Variants in PAG1 observed in about 807,000 individuals in gnomAD.
PAG1 encodes the protein phosphoprotein membrane anchor with glycosphingolipid microdomains 1, also known as phosphoprotein associated with glycosphingolipid-enriched microdomains 1.
In PAG1, 23 loss-of-function variants were observed where a neutral mutation model predicts 31.7. The ratio of observed to expected loss-of-function variants is 0.73; its 90% CI spans 0.52 to 1.03. The LOEUF (loss-of-function observed/expected upper bound fraction) is 1.03. Among genes scored for constraint, PAG1 ranks in the 50% least tolerant of loss-of-function variants. PAG1 has a pLI of 0.00. For missense variants in PAG1, 473 were observed against 540.7 expected (o/e 0.87, Z 1.24); for synonymous variants, 214 against 210.3 (o/e 1.02, Z -0.15).
chr8:81,011,295 A>G (rs1165875120), intron 3 of PAG1, among the ~76,000 whole-genome samples: 2 of 152,162 alleles, frequency 1.3e-5, no homozygotes, highest in Admixed American at 1.3e-4. Context: ...CTGGCGGGAG[A>G]TAACTGAATC....
intron 4 of PAG1, among the ~76,000 whole-genome samples, chr8:80,992,082 A>G (rs1228175522): frequency 3.3e-5 from 5 of 152,202 alleles, no homozygotes; most frequent in Non-Finnish European, 7.3e-5. Context: ...TGTAGAGAAT[A>G]CGCCGCCCAT....
intron 1 of PAG1, among the ~76,000 whole-genome samples, chr8:81,108,749 G>C (rs1254950422): frequency 6.6e-6 from 1 of 152,150 alleles, no homozygotes; most frequent in African/African-American, 2.4e-5. Flanking sequence ...AAACCTTAAA[G>C]GAAGTACTGC....
chr8:81,008,662 A>G (rs1454028602), intron 3 of PAG1, among the ~76,000 whole-genome samples: 2 of 151,658 alleles, frequency 1.3e-5, no homozygotes, highest in South Asian at 4.1e-4. Flanking sequence ...CACGTTTCCT[A>G]ACAGAGTGGT....
intron 2 of PAG1, among the ~76,000 whole-genome samples, chr8:81,042,688 C>T (rs1460897924): frequency 1.3e-5 from 2 of 151,700 alleles, no homozygotes; most frequent in East Asian, 1.9e-4. Context: ...GAGAGTCAAG[C>T]GGAGATGGGA....
chr8:81,046,070 C>A (rs1026830), intron 2 of PAG1, among the ~76,000 whole-genome samples: 1 of 151,484 alleles, frequency 6.6e-6, no homozygotes. Context: ...ATATTAGAGC[C>A]GGGAAGGAAC....
intron 1 of PAG1, among the ~76,000 whole-genome samples, chr8:81,076,988 T>G (rs1329881308): frequency 1.3e-5 from 2 of 152,236 alleles, no homozygotes; most frequent in African/African-American, 4.8e-5. Context: ...GGTAGGCATG[T>G]TTCATGAAAC....
intron 3 of PAG1, among the ~76,000 whole-genome samples, chr8:81,009,007 G>C (rs1475098784): frequency 6.6e-6 from 1 of 152,076 alleles, no homozygotes; most frequent in Non-Finnish European, 1.5e-5. Context: ...CTCAGAAGAA[G>C]GTTTTCTGTC....
chr8:80,993,701 C>G (rs914881190), intron 3 of PAG1, among the ~76,000 whole-genome samples: 2 of 151,498 alleles, frequency 1.3e-5, no homozygotes, highest in Non-Finnish European at 2.9e-5. Context: ...TGGGCTCAAG[C>G]AATCCTCTCC....
intron 2 of PAG1, among the ~76,000 whole-genome samples, chr8:81,035,900 T>C (rs1219369840): frequency 2.0e-5 from 3 of 151,130 alleles, no homozygotes; most frequent in Admixed American, 6.6e-5. Flanking sequence ...TGTATTAACA[T>C]ATATATACAT....
At chr8:81,066,662 T>C (rs1008231545) in intron 2 of PAG1, among the ~76,000 whole-genome samples, 2 of 152,206 alleles carry the variant, frequency 1.3e-5, no homozygotes, top group Non-Finnish European at 2.9e-5. Flanking sequence ...TTGCTTTCCA[T>C]AGTCCTCAGA....
intron 1 of PAG1, 129 bp downstream of exon 1, chr8:81,111,462 C>T (rs1809772122): frequency 6.6e-6 from 1 of 152,556 alleles, no homozygotes; most frequent in African/African-American, 2.4e-5. Flanking sequence ...CTTCTTGGCA[C>T]CCCGCACTCC....
At chr8:81,025,099 T>C (rs945377580) in intron 3 of PAG1, among the ~76,000 whole-genome samples, 2 of 152,148 alleles carry the variant, frequency 1.3e-5, no homozygotes, top group Admixed American at 6.5e-5. Context: ...AGACCCCAAA[T>C]GTAGCTTATT....
intron 2 of PAG1, among the ~76,000 whole-genome samples, chr8:81,030,977 A>G (rs1808370205): frequency 6.6e-6 from 1 of 152,144 alleles, no homozygotes; most frequent in Non-Finnish European, 1.5e-5. Flanking sequence ...AAGATTCAGA[A>G]CCTCTCAATC....
At chr8:81,016,290 T>A (rs1221253502) in intron 3 of PAG1, among the ~76,000 whole-genome samples, 2 of 152,222 alleles carry the variant, frequency 1.3e-5, no homozygotes, top group South Asian at 2.1e-4. Context: ...GTCCTCATGG[T>A]ACTAAAGAGG....
intron 2 of PAG1, among the ~76,000 whole-genome samples, chr8:81,043,253 T>C (rs1407472673): frequency 2.0e-5 from 3 of 152,158 alleles, no homozygotes; most frequent in Non-Finnish European, 2.9e-5. Context: ...AGTTTTGGTA[T>C]ACTGCATGCT....
At chr8:81,094,629 A>T (rs917834299) in intron 1 of PAG1, among the ~76,000 whole-genome samples, 1 of 152,102 alleles carries the variant, frequency 6.6e-6, no homozygotes. Context: ...ATATATATAT[A>T]TTTTCCCCTA....
intron 1 of PAG1, among the ~76,000 whole-genome samples, chr8:81,090,733 C>T (rs943630135): frequency 9.2e-5 from 14 of 152,132 alleles, no homozygotes; most frequent in African/African-American, 3.4e-4. Flanking sequence ...ATGAAAGCCT[C>T]GGGCCACACG....
At chr8:81,065,096 A>T (rs950094268) in intron 2 of PAG1, among the ~76,000 whole-genome samples, 2 of 151,962 alleles carry the variant, frequency 1.3e-5, no homozygotes, top group Non-Finnish European at 2.9e-5. Flanking sequence ...TCTTGGGGGG[A>T]GGCGCTCAAG....
At chr8:80,977,416 C>T (rs895691037) in intron 8 of PAG1, among the ~76,000 whole-genome samples, 1 of 152,152 alleles carries the variant, frequency 6.6e-6, no homozygotes, top group Non-Finnish European at 1.5e-5. Flanking sequence ...ATCAGAACCT[C>T]GGGGCTGGGG....
Sources: gnomAD v4.1 joint callset for allele counts (sites outside exome capture counted in the v4.1 genomes callset) on GRCh38, gnomAD v4.1.1 for gene constraint, MANE v1.5 for transcripts, NCBI Gene and HGNC (gene_info 2026-07-23, HGNC 2026-07-21) for gene names.